CENPP: variants seen among roughly 807,000 people sequenced by gnomAD.
The protein encoded by CENPP is centromere protein P.
In CENPP, 24 loss-of-function variants were observed where a neutral mutation model predicts 35.6. The ratio of observed to expected loss-of-function variants is 0.67; its 90% confidence interval spans 0.49 to 0.95. The LOEUF (loss-of-function observed/expected upper bound fraction) is 0.95, where lower values mean the gene tolerates loss of function less well. CENPP is among the 40% of genes least tolerant of loss of function. The pLI is 0.00. For synonymous variants in CENPP, 120 were observed against 125.5 expected, an observed-to-expected ratio of 0.96 and a Z score of 0.29; for missense variants, 332 against 345.3, an observed-to-expected ratio of 0.96 and a Z score of 0.31.
At chr9:92,552,190 T>TACACACACACACAC (rs59704602) in intron 5 of CENPP, among the ~76,000 whole-genome samples, 2 of 106,412 alleles carry the variant, frequency 1.9e-5, no homozygotes, top group African/African-American at 4.0e-5. Flanking sequence ...ATCTATCATA[T>TACACACACACACAC]ACACACACAC....
intron 5 of CENPP, among the ~76,000 whole-genome samples, chr9:92,583,949 T>C (rs1424631205): frequency 6.6e-6 from 1 of 152,256 alleles, no homozygotes; most frequent in African/African-American, 2.4e-5. Context: ...CCAAGCTTTC[T>C]GTCTATGAGT....
At position 92,590,182 on chromosome 9, in the gene CENPP, G is replaced by A. The variant is rs537824897; in HGVS notation, c.565-21132G>A. On this transcript the variant is annotated intron_variant, in intron 5 of 7. Transcript: ENST00000375587. ...GTGGTGAGGTACAGTTCAACAAAGA[G>A]TTTTCAGAGGCTTTAATTATATTAA... 6.6e-5 allele frequency among the ~76,000 whole-genome samples: 10 copies of A among 152,338 alleles called. No individual in the cohort carries two copies. In the East Asian group the frequency reaches 1.9e-3, roughly 29 times the overall value.
chr9:92,423,619 A>T (rs1843879565), intron 5 of CENPP, among the ~76,000 whole-genome samples: 1 of 152,148 alleles, frequency 6.6e-6, no homozygotes, highest in Non-Finnish European at 1.5e-5. Context: ...GCCATAATAC[A>T]TTTAAATCGT....
intron 5 of CENPP, chr9:92,496,490 A>T (rs1190930109): frequency 1.2e-6 from 2 of 1,605,762 alleles, no homozygotes; most frequent in Non-Finnish European, 1.7e-6. Context: ...GTTCCTAAGG[A>T]AAAATAGACA....
intron 5 of CENPP, among the ~76,000 whole-genome samples, chr9:92,543,859 A>C (rs953960579): frequency 2.0e-5 from 3 of 152,158 alleles, no homozygotes; most frequent in African/African-American, 7.2e-5. Context: ...TATACAGAAA[A>C]GCTACTGATT....
intron 5 of CENPP, among the ~76,000 whole-genome samples, chr9:92,526,719 A>C (rs1848435688): frequency 6.6e-6 from 1 of 152,030 alleles, no homozygotes; most frequent in Non-Finnish European, 1.5e-5. Context: ...TTTTTAAAAA[A>C]TAAAAAGTAT....
At chr9:92,325,824 G>T, upstream of CENPP, 1 of 557,068 alleles carries the variant, frequency 1.8e-6, no homozygotes, top group Non-Finnish European at 3.2e-6. Flanking sequence ...TCTCGTGCGA[G>T]AGCGGAGTTG....
intron 1 of CENPP, 51 bp downstream of exon 1, chr9:92,326,156 C>A: frequency 8.0e-7 from 1 of 1,245,718 alleles, no homozygotes; most frequent in Non-Finnish European, 1.1e-6. Context: ...GGTTCCCGGG[C>A]CAGGCGGGTG....
intron 5 of CENPP, among the ~76,000 whole-genome samples, chr9:92,497,216 A>G (rs1490060157): frequency 6.6e-6 from 1 of 152,244 alleles, no homozygotes; most frequent in Non-Finnish European, 1.5e-5. Context: ...ACACATGTCT[A>G]TCAATACGGA....
intron 5 of CENPP, among the ~76,000 whole-genome samples, chr9:92,605,517 A>T (rs1430328008): frequency 6.6e-6 from 1 of 152,222 alleles, no homozygotes; most frequent in African/African-American, 2.4e-5. Flanking sequence ...TTACTAAAAT[A>T]CAAATGAAAC....
At chr9:92,404,673 C>T in intron 5 of CENPP, 1 of 1,246,982 alleles carries the variant, frequency 8.0e-7, no homozygotes. Context: ...TCTTTGCCAG[C>T]ATTCTTTCTC....
At chr9:92,460,554 A>C (rs1845069134) in intron 5 of CENPP, 1 of 1,584,136 alleles carries the variant, frequency 6.3e-7, no homozygotes, top group Non-Finnish European at 8.7e-7. Flanking sequence ...GCTCCAATAA[A>C]GTTGGTGGTA....
At position 92,473,714 on chromosome 9, in the gene CENPP, G is replaced by C. The variant is rs573210549; in HGVS notation, c.564+93855G>C. Among the ~76,000 whole-genome samples the C allele has an allele frequency of 5.3e-5, 8 of 152,188 alleles. No homozygotes were observed. In the South Asian group the frequency reaches 1.2e-3, roughly 24 times the overall value. On this transcript the variant is annotated intron_variant, in intron 5 of 7. Transcript: ENST00000375587. ...TAGACTTTACTAGTAAGTCTAGCTC[G>C]TATTAGTCTCCCCTTTTTCTGAATG...
At chr9:92,460,795 G>C (rs1478574634) in intron 5 of CENPP, among the ~76,000 whole-genome samples, 2 of 152,088 alleles carry the variant, frequency 1.3e-5, no homozygotes, top group East Asian at 3.9e-4. Flanking sequence ...TTCGGCCTCA[G>C]CCTCCTGAGT....
intron 5 of CENPP, among the ~76,000 whole-genome samples, chr9:92,579,019 G>A (rs1313239556): frequency 4.6e-5 from 7 of 151,552 alleles, no homozygotes; most frequent in African/African-American, 7.2e-5. Flanking sequence ...TTCTACATAC[G>A]GCTAGCCAGT....
intron 3 of CENPP, among the ~76,000 whole-genome samples, chr9:92,339,291 C>T (rs1399921284): frequency 6.6e-6 from 1 of 152,190 alleles, no homozygotes; most frequent in African/African-American, 2.4e-5. Context: ...CCAAGTTTCC[C>T]ATTTTGTATG....
chr9:92,512,154 G>T (rs762010252), intron 5 of CENPP: 4 of 1,505,942 alleles, frequency 2.7e-6, no homozygotes, highest in Non-Finnish European at 2.8e-6. Flanking sequence ...TATGTTTTAG[G>T]CATGTGTGCA....
chr9:92,597,223 C>T (rs114566264), intron 5 of CENPP, among the ~76,000 whole-genome samples: 204 of 152,012 alleles, frequency 1.3e-3, no homozygotes, highest in African/African-American at 4.5e-3. Context: ...AGCAATATAC[C>T]GCAGATTTCA....
intron 5 of CENPP, among the ~76,000 whole-genome samples, chr9:92,436,220 T>A (rs927230490): frequency 6.6e-6 from 1 of 152,228 alleles, no homozygotes; most frequent in African/African-American, 2.4e-5. Context: ...TAGTGAAATG[T>A]CTGTTCATGT....
Sources: gnomAD v4.1 joint callset for allele counts (sites outside exome capture counted in the v4.1 genomes callset) on GRCh38, gnomAD v4.1.1 for gene constraint, MANE v1.5 for transcripts, NCBI Gene and HGNC (gene_info 2026-07-23, HGNC 2026-07-21) for gene names.